AFF1: variants seen among roughly 807,000 people sequenced by gnomAD.
AFF1 encodes the protein AF4/FMR2 family member 1.
A neutral mutation model predicts 121.7 loss-of-function variants in AFF1; 48 were observed. The ratio of observed to expected loss-of-function variants is 0.39; its 90% CI spans 0.31 to 0.50. AFF1 has a LOEUF of 0.50. Among genes scored for constraint, AFF1 ranks in the 20% least tolerant of loss-of-function variants. AFF1 has a pLI of 0.76. For missense variants in AFF1, 1,523 were observed against 1,511.7 expected (o/e 1.01, Z -0.12); for synonymous variants, 613 against 563.0 (o/e 1.09, Z -1.26).
At chr4:87,035,218 G>C (rs773908489) in intron 2 of AFF1, among the ~76,000 whole-genome samples, 1 of 152,086 alleles carries the variant, frequency 6.6e-6, no homozygotes, top group African/African-American at 2.4e-5. Context: ...AACGCAGGAA[G>C]GGTGCTCTTA....
intron 4 of AFF1, among the ~76,000 whole-genome samples, chr4:87,062,817 G>C (rs1720917171): frequency 6.6e-6 from 1 of 152,166 alleles, no homozygotes; most frequent in African/African-American, 2.4e-5. Context: ...AATACAGCAT[G>C]TTATTCATTG....
At chr4:87,057,011 T>C (rs1464519698) in intron 4 of AFF1, among the ~76,000 whole-genome samples, 2 of 152,226 alleles carry the variant, frequency 1.3e-5, no homozygotes, top group Non-Finnish European at 1.5e-5. Flanking sequence ...CAGACTCAAG[T>C]AGTCTGGTTC....
intron 2 of AFF1, among the ~76,000 whole-genome samples, chr4:86,986,175 C>G (rs183537024): frequency 6.6e-6 from 1 of 152,002 alleles, no homozygotes; most frequent in Non-Finnish European, 1.5e-5. Flanking sequence ...TGGGTTCAAG[C>G]GATCTTGTGC....
At chr4:86,978,313 A>G (rs998394381) in intron 2 of AFF1, among the ~76,000 whole-genome samples, 2 of 148,080 alleles carry the variant, frequency 1.4e-5, no homozygotes, top group African/African-American at 5.0e-5. Flanking sequence ...CCTCCCGAAG[A>G]GCTGGGACTA....
intron 4 of AFF1, among the ~76,000 whole-genome samples, chr4:87,075,617 A>G (rs1364709293): frequency 6.6e-6 from 1 of 152,176 alleles, no homozygotes; most frequent in East Asian, 1.9e-4. Flanking sequence ...GTCATATCTG[A>G]AATTTTGCAT....
intron 2 of AFF1, among the ~76,000 whole-genome samples, chr4:87,045,232 C>T (rs977590410): frequency 6.6e-6 from 1 of 152,202 alleles, no homozygotes; most frequent in African/African-American, 2.4e-5. Context: ...TTTGTTCAAA[C>T]GGCATTGGGA....
At chr4:87,053,404 A>T (rs932462882) in intron 4 of AFF1, among the ~76,000 whole-genome samples, 1 of 152,238 alleles carries the variant, frequency 6.6e-6, no homozygotes, top group African/African-American at 2.4e-5. Context: ...CAGCCTAACA[A>T]CTGCATGAAT....
intron 19 of AFF1, 104 bp from the exon 20 acceptor site, chr4:87,134,367 G>C: frequency 3.6e-6 from 4 of 1,119,936 alleles, no homozygotes; most frequent in Non-Finnish European, 5.0e-6. Flanking sequence ...CAGGTGTATA[G>C]TGAAACTTTG....
At chr4:87,050,406 AC>A (rs1191850437) in intron 4 of AFF1, among the ~76,000 whole-genome samples, 10 of 152,188 alleles carry the variant, frequency 6.6e-5, no homozygotes, top group African/African-American at 2.4e-4. Flanking sequence ...TAGTGATTTT[AC>A]AAATGAACCC....
chr4:87,018,062 C>G (rs1412720675), intron 2 of AFF1, among the ~76,000 whole-genome samples: 1 of 152,186 alleles, frequency 6.6e-6, no homozygotes, highest in Non-Finnish European at 1.5e-5. Flanking sequence ...CTGAAATCTG[C>G]TGCTCTGCAT....
intron 1 of AFF1, among the ~76,000 whole-genome samples, chr4:86,945,211 C>T (rs17012176): frequency 0.019 from 2,893 of 152,132 alleles, 113 homozygotes; most frequent in African/African-American, 0.066. Flanking sequence ...TAGAGCTTAA[C>T]TTGTCCAAGG....
intron 2 of AFF1, among the ~76,000 whole-genome samples, chr4:86,985,846 A>G (rs60518843): frequency 0.63 from 95,501 of 151,140 alleles, 33,072 homozygotes; most frequent in South Asian, 0.8. Flanking sequence ...AATGATAGAG[A>G]AAAAGTTATT....
chr4:87,007,249 C>T lies in AFF1; in HGVS notation c.39-38917C>T, dbSNP rs1726233884. The T allele has an allele frequency of 2.0e-5, 30 of 1,491,140 alleles. No homozygotes were observed. In the South Asian group the frequency reaches 4.1e-4, roughly 20 times the overall value. The allele number at this position is 1,491,140 out of a possible 1,614,324, so 92.4% of individuals were successfully genotyped here. On this transcript the variant is annotated intron_variant, in intron 2 of 20. Coordinates refer to ENST00000395146, the MANE Select transcript of AFF1 (RefSeq NM_001166693.3). The stretch of plus-strand genomic sequence containing the variant: ...GCCGAGCCCGGGGCTGCGCCGAGGA[C>T]GCCCGGGGCTCGAGAGCAGGTAGTC...
intron 2 of AFF1, among the ~76,000 whole-genome samples, chr4:87,025,947 G>A (rs1029808545): frequency 2.6e-5 from 4 of 152,016 alleles, no homozygotes; most frequent in African/African-American, 9.7e-5. Flanking sequence ...GGGTTACACA[G>A]CCTTACTCTA....
chr4:86,997,803 AAACAGGCCTAAG>A (rs1434836873), intron 2 of AFF1, among the ~76,000 whole-genome samples: 1 of 146,418 alleles, frequency 6.8e-6, no homozygotes, highest in Non-Finnish European at 1.5e-5. Context: ...GGATAGAAAA[AAACAGGCCTAAG>A]AAGCTGAGTG....
intron 2 of AFF1, among the ~76,000 whole-genome samples, chr4:86,989,012 C>T (rs1299610403): frequency 6.6e-6 from 1 of 152,150 alleles, no homozygotes; most frequent in East Asian, 1.9e-4. Flanking sequence ...GGACCCCTTC[C>T]TTACACCTTA....
intron 2 of AFF1, among the ~76,000 whole-genome samples, chr4:86,967,245 T>C (rs1340043710): frequency 6.6e-6 from 1 of 152,044 alleles, no homozygotes; most frequent in Non-Finnish European, 1.5e-5. Context: ...TTGAAAAAAT[T>C]GGGTGGAGGA....
At chr4:86,996,723 AAAACAAAC>A (rs139664480) in intron 2 of AFF1, among the ~76,000 whole-genome samples, 4 of 141,638 alleles carry the variant, frequency 2.8e-5, no homozygotes, top group African/African-American at 1.3e-4. Context: ...ATGATCAATT[AAAACAAAC>A]AAACAAACAA....
chr4:87,126,428 A>T, intron 14 of AFF1, 92 bp downstream of exon 14: 1 of 1,216,924 alleles, frequency 8.2e-7, no homozygotes, highest in Non-Finnish European at 1.2e-6. Flanking sequence ...ATGGCACTTC[A>T]GAACTGTCCA....
Sources: gnomAD v4.1 joint callset for allele counts (sites outside exome capture counted in the v4.1 genomes callset) on GRCh38, gnomAD v4.1.1 for gene constraint, MANE v1.5 for transcripts, NCBI Gene and HGNC (gene_info 2026-07-23, HGNC 2026-07-21) for gene names.